Variants in PHAF1 observed in about 807,000 individuals in gnomAD.
The protein encoded by PHAF1 is phagosome assembly factor 1.
A neutral mutation model predicts 63.1 loss-of-function variants in PHAF1; 23 were observed. The observed-to-expected ratio is 0.36, with a 90% CI of 0.26 to 0.52. PHAF1 has a LOEUF of 0.52. Ranked by LOEUF, PHAF1 falls within the 20% of genes least tolerant of loss-of-function variation. PHAF1 has a pLI of 0.93. For synonymous variants in PHAF1, 167 were observed against 185.0 expected (o/e 0.90, Z 0.79); for missense variants, 427 against 517.2 (o/e 0.83, Z 1.69).
At chr16:67,142,901 A>C (rs745660137) in intron 10 of PHAF1, among the ~76,000 whole-genome samples, 5 of 152,156 alleles carry the variant, frequency 3.3e-5, no homozygotes, top group Non-Finnish European at 5.9e-5. Context: ...TGCAGCGGCC[A>C]CTCCAGATGG....
intron 3 of PHAF1, among the ~76,000 whole-genome samples, chr16:67,130,948 T>C (rs1461919181): frequency 6.6e-6 from 1 of 152,140 alleles, no homozygotes; most frequent in Non-Finnish European, 1.5e-5. Context: ...AACTGGTTTT[T>C]TCCCTGGTTT....
chr16:67,129,963 T>C (rs1425794776), intron 3 of PHAF1, among the ~76,000 whole-genome samples: 1 of 151,908 alleles, frequency 6.6e-6, no homozygotes, highest in Non-Finnish European at 1.5e-5. Context: ...TGACAAATAT[T>C]ATGGCTTGCT....
chr16:67,139,900 CA>C, intron 8 of PHAF1, 83 bp from the exon 9 acceptor site: 1 of 1,496,508 alleles, frequency 6.7e-7, no homozygotes, highest in Non-Finnish European at 9.2e-7. Context: ...ATGTAGCATG[CA>C]GCCAGTAGCT....
intron 11 of PHAF1, 63 bp from the exon 12 acceptor site, chr16:67,144,770 TG>T (rs1351562292): frequency 6.5e-7 from 1 of 1,546,482 alleles, no homozygotes; most frequent in Non-Finnish European, 8.9e-7. Context: ...GGTGTGGGGT[TG>T]GAATATGGGA....
Position 67,115,895 on chromosome 16 carries a change from A to G in PHAF1, c.65-4217A>G, listed in dbSNP as rs1056573287. Among the ~76,000 whole-genome samples, 5 of 152,264 alleles carry G rather than the reference A, an allele frequency of 3.3e-5. No individual in the cohort carries two copies. In the East Asian group the frequency reaches 5.8e-4, roughly 18 times the overall value. ...GGGCTGGGAGCGGTGGCTCATGTCTATAATCCCAGCATTTTGGGAGGCCGA... is the reference window on the plus strand; with the variant it reads ...GGGCTGGGAGCGGTGGCTCATGTCTGTAATCCCAGCATTTTGGGAGGCCGA... On this transcript the variant is annotated intron_variant, in intron 1 of 15. Transcript: ENST00000219139.
At chr16:67,136,932 G>A (rs906979353) in intron 8 of PHAF1, among the ~76,000 whole-genome samples, 4 of 152,072 alleles carry the variant, frequency 2.6e-5, no homozygotes, top group South Asian at 2.1e-4. Context: ...CGAGGTGGGC[G>A]GATCACGAGG....
intron 12 of PHAF1, 74 bp downstream of exon 12, chr16:67,144,951 C>A: frequency 6.5e-7 from 1 of 1,546,358 alleles, no homozygotes; most frequent in Non-Finnish European, 8.9e-7. Flanking sequence ...GGAGAAAGAT[C>A]GAAGCAGTGG....
At chr16:67,123,088 C>CT (rs150061453) in intron 2 of PHAF1, among the ~76,000 whole-genome samples, 16,371 of 136,564 alleles carry the variant, frequency 0.12, 1,526 homozygotes, top group African/African-American at 0.27. Context: ...TGATCTGATG[C>CT]TTTTTTTTTT....
intron 1 of PHAF1, among the ~76,000 whole-genome samples, chr16:67,111,287 C>T: frequency 6.6e-6 from 1 of 152,208 alleles, no homozygotes; most frequent in East Asian, 1.9e-4. Flanking sequence ...CTTCTCCCTT[C>T]ACCCTCTCCA....
chr16:67,146,500 G>T, intron 15 of PHAF1, 150 bp downstream of exon 15: 1 of 827,856 alleles, frequency 1.2e-6, no homozygotes, highest in Non-Finnish European at 2.0e-6. Context: ...TGCATACCTG[G>T]CCTCCCCACA....
intron 13 of PHAF1, 54 bp from the exon 14 acceptor site, chr16:67,145,516 C>T (rs372095481): frequency 2.1e-5 from 34 of 1,612,470 alleles, no homozygotes; most frequent in Non-Finnish European, 2.7e-5. Flanking sequence ...AGCCATTGGT[C>T]ACAGACATGT....
chr16:67,132,513 A>G lies in PHAF1; in HGVS notation c.343A>G (p.Thr115Ala). Residue 115 changes from threonine to alanine, a missense_variant, in exon 5 of 16, where the codon ACC becomes GCC. Coordinates refer to ENST00000219139, the MANE Select transcript of PHAF1 (RefSeq NM_025187.5). ...IEQIDQSFGA[T>A]HPGVYNSAEQ... ...ACAGATTGACCAGTCTTTTGGCGCAACCCATCCTGGAGGTAAGCCAAGTCC... is the reference window on the plus strand; with the variant it reads ...ACAGATTGACCAGTCTTTTGGCGCAGCCCATCCTGGAGGTAAGCCAAGTCC... 2 of 1,613,920 alleles carry G rather than the reference A, an allele frequency of 1.2e-6. No individual in the cohort carries two copies. Among genetic ancestry groups the G allele is most frequent in the Non-Finnish European group, 8.5e-7 (1 of 1,179,886 alleles).
intron 2 of PHAF1, among the ~76,000 whole-genome samples, chr16:67,121,666 C>T (rs1004839255): frequency 2.7e-5 from 4 of 150,908 alleles, no homozygotes; most frequent in African/African-American, 7.3e-5. Context: ...CCTCAACCTG[C>T]GCCTCCCGAG....
chr16:67,135,157 CT>C (rs200681751), intron 8 of PHAF1: 1 of 158,786 alleles, frequency 6.3e-6, no homozygotes, highest in Non-Finnish European at 1.4e-5. Context: ...TTTTCTTTTT[CT>C]TTTTTTTGAG....
chr16:67,123,915 TAGC>T (rs1328302258), intron 2 of PHAF1, among the ~76,000 whole-genome samples: 1 of 152,320 alleles, frequency 6.6e-6, no homozygotes, highest in East Asian at 1.9e-4. Context: ...TAACAACTAG[TAGC>T]AGATGATTTT....
intron 2 of PHAF1, among the ~76,000 whole-genome samples, chr16:67,125,379 GAA>G (rs1278146656): frequency 6.6e-6 from 1 of 152,110 alleles, no homozygotes; most frequent in Non-Finnish European, 1.5e-5. Flanking sequence ...GGGGGAGAGA[GAA>G]AAAGGATAAG....
At chr16:67,132,575 A>C (rs1217690134) in intron 5 of PHAF1, 50 bp downstream of exon 5, 1 of 1,560,640 alleles carries the variant, frequency 6.4e-7, no homozygotes, top group South Asian at 1.1e-5. Flanking sequence ...AGTTCATAGC[A>C]ATAAACCTGC....
At chr16:67,118,424 C>T (rs1040617936) in intron 1 of PHAF1, among the ~76,000 whole-genome samples, 3 of 146,708 alleles carry the variant, frequency 2.0e-5, no homozygotes, top group African/African-American at 7.5e-5. Flanking sequence ...ACAACCTCTG[C>T]CTCCTGAGTT....
rs1252637530 is a variant in PHAF1, at chr16:67,147,387, T to A, written c.*256T>A. On this transcript the variant is annotated 3_prime_UTR_variant, in exon 16 of 16. Coordinates refer to ENST00000219139, the MANE Select transcript of PHAF1 (RefSeq NM_025187.5). ...GAGAAGCACAAAGTTTGAGCCTTGATTCCTGGACCCAGGAGCTCTCAACTA... is the reference window on the plus strand; with the variant it reads ...GAGAAGCACAAAGTTTGAGCCTTGAATCCTGGACCCAGGAGCTCTCAACTA... The A allele has an allele frequency of 2.0e-6, 1 of 491,156 alleles. No individual in the cohort carries two copies. Among genetic ancestry groups the A allele is most frequent in the African/African-American group, 1.9e-5 (1 of 51,402 alleles). 30.4% of individuals were successfully genotyped at this position (491,156 alleles called of 1,614,324 possible).
Sources: gnomAD v4.1 joint callset for allele counts (sites outside exome capture counted in the v4.1 genomes callset) on GRCh38, gnomAD v4.1.1 for gene constraint, MANE v1.5 for transcripts, NCBI Gene and HGNC (gene_info 2026-07-23, HGNC 2026-07-21) for gene names.